Variants in SMAD3 observed in about 807,000 individuals in gnomAD.
SMAD3 encodes MAD homolog 3.
SMAD3 carries 12 observed loss-of-function variants against 51.8 expected under a neutral mutation model. The ratio of observed to expected loss-of-function variants is 0.23; its 90% CI spans 0.15 to 0.38. The LOEUF (loss-of-function observed/expected upper bound fraction) is 0.38. Ranked by LOEUF, SMAD3 falls within the 10% of genes least tolerant of loss-of-function variation. SMAD3 has a pLI of 1.00. For synonymous variants in SMAD3, 238 were observed against 227.7 expected (o/e 1.05, Z -0.41); for missense variants, 294 against 565.6 (o/e 0.52, Z 4.87).
At chr15:67,135,136 T>C (rs1961626219) in intron 1 of SMAD3, among the ~76,000 whole-genome samples, 1 of 152,148 alleles carries the variant, frequency 6.6e-6, no homozygotes, top group Non-Finnish European at 1.5e-5. Flanking sequence ...CGGGAAGAGC[T>C]GTGTTTGGAA....
At chr15:67,179,098 G>A (rs528937667) in intron 5 of SMAD3, among the ~76,000 whole-genome samples, 74 of 152,302 alleles carry the variant, frequency 4.9e-4, no homozygotes, top group African/African-American at 1.7e-3. Flanking sequence ...CAGAAACAGC[G>A]CCGAGAGTAA....
chr15:67,179,770 T>C (rs1363118563), intron 5 of SMAD3, among the ~76,000 whole-genome samples: 1 of 152,072 alleles, frequency 6.6e-6, no homozygotes, highest in Non-Finnish European at 1.5e-5. Flanking sequence ...CTCCTAGACG[T>C]TGCCTGGCAT....
At chr15:67,074,393 T>C (rs1343162667) in intron 1 of SMAD3, among the ~76,000 whole-genome samples, 2 of 152,264 alleles carry the variant, frequency 1.3e-5, no homozygotes, top group African/African-American at 4.8e-5. Context: ...GTGGAAAATG[T>C]TTGCTCATAT....
At position 67,191,234 on chromosome 15, in the gene SMAD3, C is replaced by A. The variant is rs556286103; in HGVS notation, c.*698C>A. Reference sequence around the variant, plus strand: ...CGCCACCTCTTTAAAAACTCACTTACGTTTGTCCTTTTTCACTTTGAAAAG... The same window carrying A: ...CGCCACCTCTTTAAAAACTCACTTAAGTTTGTCCTTTTTCACTTTGAAAAG... On this transcript the variant is annotated 3_prime_UTR_variant, in exon 9 of 9. Coordinates refer to ENST00000327367, the MANE Select transcript of SMAD3 (RefSeq NM_005902.4). 2 of 233,524 alleles carry A rather than the reference C, an allele frequency of 8.6e-6. No individual in the cohort carries two copies. The highest frequency in any genetic ancestry group is 2.2e-5 in the African/African-American group (1 of 45,354). 14.5% of individuals were successfully genotyped at this position (233,524 alleles called of 1,614,324 possible). A position where few individuals can be genotyped will look rare whatever the true frequency, so the allele number is the denominator to read the frequency against.
chr15:67,066,250 G>A lies in SMAD3; in HGVS notation c.96G>A (p.Glu32=), dbSNP rs1450927153. 6.2e-7 allele frequency: 1 copy of A among 1,613,806 alleles called. No individual in the cohort carries two copies. The highest frequency in any genetic ancestry group is 8.5e-7 in the Non-Finnish European group (1 of 1,179,880). The change falls in exon 1 of 9, where the codon GAG becomes GAA. Residue 32 remains glutamate, a synonymous_variant. Coordinates refer to ENST00000327367, the MANE Select transcript of SMAD3 (RefSeq NM_005902.4). ...EQNGQEEKWC[E]KAVKSLVKKL... Reference sequence around the variant, plus strand: ...ACGGGCAGGAGGAGAAATGGTGCGAGAAGGCGGTCAAGAGCCTGGTCAAGA... The same window carrying A: ...ACGGGCAGGAGGAGAAATGGTGCGAAAAGGCGGTCAAGAGCCTGGTCAAGA...
At chr15:67,098,683 C>G in intron 1 of SMAD3, 1 of 565,208 alleles carries the variant, frequency 1.8e-6, no homozygotes, top group Non-Finnish European at 3.2e-6. Context: ...TTAAAGAAAA[C>G]AAGCTTCGGG....
intron 5 of SMAD3, among the ~76,000 whole-genome samples, chr15:67,175,068 C>T (rs1962852133): frequency 6.6e-6 from 1 of 152,124 alleles, no homozygotes; most frequent in South Asian, 2.1e-4. Flanking sequence ...GGGTGAGTCA[C>T]CGGGAATTTC....
chr15:67,178,163 G>C (rs1286084145), intron 5 of SMAD3, among the ~76,000 whole-genome samples: 2 of 152,202 alleles, frequency 1.3e-5, no homozygotes, highest in African/African-American at 2.4e-5. Context: ...CTGCTTGGGA[G>C]GGCCTCTCGG....
chr15:67,099,008 G>C, intron 1 of SMAD3: 1 of 702,148 alleles, frequency 1.4e-6, no homozygotes, highest in Non-Finnish European at 2.6e-6. Flanking sequence ...CGTATGTCCT[G>C]AGCGAGGATC....
rs184326476 is a variant in SMAD3 at position 67,132,286 on chromosome 15, G to A, written c.207-32609G>A. 2.0e-4 allele frequency among the ~76,000 whole-genome samples: 30 copies of A among 152,200 alleles called. No homozygotes were observed. The East Asian group carries it at 2.7e-3, about 14-fold the overall frequency. ...CGAACGTCTCACCCTGACCCTCACC[G>A]TATTTTTTAGGAAGTGAATGGGGCT... On this transcript the variant is annotated intron_variant, in intron 1 of 8. Coordinates refer to ENST00000327367, the MANE Select transcript of SMAD3 (RefSeq NM_005902.4).
At chr15:67,154,322 T>C (rs929276152) in intron 1 of SMAD3, among the ~76,000 whole-genome samples, 2 of 152,192 alleles carry the variant, frequency 1.3e-5, no homozygotes, top group African/African-American at 4.8e-5. Flanking sequence ...GAAAATTGAG[T>C]TGTTCTTGGT....
At chr15:67,070,786 C>G (rs575440403) in intron 1 of SMAD3, among the ~76,000 whole-genome samples, 127 of 151,490 alleles carry the variant, frequency 8.4e-4, no homozygotes, top group Non-Finnish European at 1.6e-3. Flanking sequence ...GAAAAAAACA[C>G]AAAATTCAGG....
chr15:67,168,345 G>A (rs971390300), intron 4 of SMAD3, among the ~76,000 whole-genome samples: 11 of 152,304 alleles, frequency 7.2e-5, no homozygotes, highest in South Asian at 2.1e-4. Flanking sequence ...GAGCACACCC[G>A]GTGAAACACA....
chr15:67,095,248 CTGGTCCTGAGG>C (rs1312320674), intron 1 of SMAD3, among the ~76,000 whole-genome samples: 2 of 152,164 alleles, frequency 1.3e-5, no homozygotes, highest in African/African-American at 4.8e-5. Flanking sequence ...TCTGGCTCAT[CTGGTCCTGAGG>C]TGGGTGAGCA....
chr15:67,078,888 T>G (rs1309583239), intron 1 of SMAD3, among the ~76,000 whole-genome samples: 27 of 152,228 alleles, frequency 1.8e-4, no homozygotes, highest in Admixed American at 1.8e-3. Context: ...CAAGGAGGGA[T>G]GTTATTGAAG....
intron 1 of SMAD3, among the ~76,000 whole-genome samples, chr15:67,151,328 T>G (rs1277441114): frequency 6.6e-6 from 1 of 151,410 alleles, no homozygotes; most frequent in Non-Finnish European, 1.5e-5. Context: ...TCCCTTTTAT[T>G]TATTTATTTA....
chr15:67,091,095 C>T (rs1960499108), intron 1 of SMAD3, among the ~76,000 whole-genome samples: 1 of 152,192 alleles, frequency 6.6e-6, no homozygotes, highest in Admixed American at 6.5e-5. Flanking sequence ...GAGAAAGATC[C>T]TCGAAATGGT....
chr15:67,181,476 G>GC (rs3214743), intron 6 of SMAD3, 23 bp downstream of exon 6: 58 of 1,184,180 alleles, frequency 4.9e-5, no homozygotes, highest in East Asian at 2.6e-4. Context: ...TCCATTCCCC[G>GC]CCCCCCCACC....
intron 1 of SMAD3, among the ~76,000 whole-genome samples, chr15:67,069,463 T>TA (rs1960003488): frequency 6.6e-6 from 1 of 152,180 alleles, no homozygotes; most frequent in East Asian, 1.9e-4. Context: ...GTGTGAGCGT[T>TA]ATATGAGGAA....
Sources: allele counts gnomAD v4.1 joint callset (sites outside exome capture counted in the v4.1 genomes callset), GRCh38; gene constraint gnomAD v4.1.1; transcripts MANE v1.5; gene names NCBI Gene and HGNC (gene_info 2026-07-23, HGNC 2026-07-21).